The following NR6A1 variants were observed in gnomAD, a reference collection of about 807,000 sequenced individuals.
NR6A1 encodes nuclear receptor subfamily 6 group A member 1.
In NR6A1, 7 loss-of-function variants were observed where a neutral mutation model predicts 59.1. That is an observed-to-expected ratio of 0.12 (90% CI 0.07 to 0.22). The LOEUF is 0.22. Among genes scored for constraint, NR6A1 ranks in the 10% least tolerant of loss-of-function variants. The pLI is 1.00. For synonymous variants in NR6A1, 243 were observed against 236.1 expected (o/e 1.03, Z -0.27); for missense variants, 468 against 611.6 (o/e 0.77, Z 2.48).
chr9:124,731,090 G>A (rs1839871251), intron 2 of NR6A1, among the ~76,000 whole-genome samples: 1 of 152,110 alleles, frequency 6.6e-6, no homozygotes, highest in Admixed American at 6.6e-5. Flanking sequence ...AAAGGACCAT[G>A]GCCAGGTGCA....
chr9:124,730,911 C>T (rs946140248), intron 2 of NR6A1, among the ~76,000 whole-genome samples: 1 of 152,124 alleles, frequency 6.6e-6, no homozygotes, highest in African/African-American at 2.4e-5. Context: ...AAGAGCTATA[C>T]TTATTTATCT....
chr9:124,678,283 G>C (rs1383824755), intron 2 of NR6A1, among the ~76,000 whole-genome samples: 1 of 152,166 alleles, frequency 6.6e-6, no homozygotes, highest in Non-Finnish European at 1.5e-5. Flanking sequence ...CAAATTAAAA[G>C]AGAACCCTAA....
intron 2 of NR6A1, among the ~76,000 whole-genome samples, chr9:124,722,566 A>C (rs1193875654): frequency 3.3e-5 from 5 of 152,186 alleles, no homozygotes; most frequent in African/African-American, 1.2e-4. Flanking sequence ...TGACAGTTGA[A>C]TGCAAAGCCA....
Position 124,674,856 on chromosome 9 carries a change from C to G in NR6A1, c.142+58452G>C, listed in dbSNP as rs112438697. The stretch of plus-strand genomic sequence containing the variant: ...TATGAAGGAAATGTATTTTCTAGCT[C>G]CGCCTTAACCATGTAATCACTCAGA... On this transcript the variant is annotated intron_variant, in intron 2 of 9. Transcript: ENST00000487099. 4.6e-3 allele frequency among the ~76,000 whole-genome samples: 703 copies of G among 152,312 alleles called. 6 individuals carry two copies. Among genetic ancestry groups the G allele is most frequent in the African/African-American group, 0.016 (657 of 41,556 alleles).
intron 8 of NR6A1, among the ~76,000 whole-genome samples, chr9:124,525,284 AACAC>A (rs71492413): frequency 6.0e-4 from 83 of 137,386 alleles, no homozygotes; most frequent in East Asian, 1.8e-3. Flanking sequence ...ATGCTTGTAA[AACAC>A]ACACACACAC....
At chr9:124,624,679 A>G (rs1248824158) in intron 2 of NR6A1, among the ~76,000 whole-genome samples, 1 of 152,226 alleles carries the variant, frequency 6.6e-6, no homozygotes, top group East Asian at 1.9e-4. Flanking sequence ...AAAAAACATG[A>G]AACAGCTCTT....
chr9:124,733,278 A>G, intron 2 of NR6A1, 30 bp downstream of exon 2: 1 of 1,558,414 alleles, frequency 6.4e-7, no homozygotes, highest in East Asian at 2.2e-5. Context: ...TTTTCTTACC[A>G]AAGAATATTG....
At chr9:124,631,069 T>C (rs1436867549) in intron 2 of NR6A1, among the ~76,000 whole-genome samples, 1 of 152,116 alleles carries the variant, frequency 6.6e-6, no homozygotes, top group African/African-American at 2.4e-5. Context: ...TGAATGAATA[T>C]TTCAGGCAAG....
chr9:124,566,381 T>A (rs1261946309), intron 2 of NR6A1, among the ~76,000 whole-genome samples: 1 of 152,178 alleles, frequency 6.6e-6, no homozygotes, highest in South Asian at 2.1e-4. Flanking sequence ...TATCTTTAAG[T>A]ATTAATATTT....
chr9:124,722,725 C>T (rs941130747), intron 2 of NR6A1, among the ~76,000 whole-genome samples: 4 of 152,060 alleles, frequency 2.6e-5, no homozygotes, highest in East Asian at 3.8e-4. Flanking sequence ...ATTTAATTTA[C>T]GTTTTTTCTG....
chr9:124,535,175 C>A lies in NR6A1; in HGVS notation c.1079+703G>T, dbSNP rs192939123. On this transcript the variant is annotated intron_variant, in intron 7 of 9. Coordinates refer to ENST00000487099, the MANE Select transcript of NR6A1 (RefSeq NM_033334.4). ...GGCACACTATAGGCACCAAAATGAC[C>A]CCTAGGTCTCTTTCTTGGATTGTAA... 8.5e-5 allele frequency among the ~76,000 whole-genome samples: 13 copies of A among 152,188 alleles called. No homozygotes were observed. The East Asian group carries it at 2.5e-3, about 29-fold the overall frequency.
chr9:124,676,147 T>C (rs977171006), intron 2 of NR6A1, among the ~76,000 whole-genome samples: 2 of 152,164 alleles, frequency 1.3e-5, no homozygotes, highest in Non-Finnish European at 2.9e-5. Context: ...CTCAGAAGCA[T>C]GTGACAGGCA....
chr9:124,638,499 GACAGGA>G (rs1836682400), intron 2 of NR6A1, among the ~76,000 whole-genome samples: 1 of 152,122 alleles, frequency 6.6e-6, no homozygotes, highest in South Asian at 2.1e-4. Context: ...CCAAAGCAAA[GACAGGA>G]ACAGAACAAG....
At chr9:124,668,103 A>G (rs1215554142) in intron 2 of NR6A1, among the ~76,000 whole-genome samples, 1 of 152,204 alleles carries the variant, frequency 6.6e-6, no homozygotes, top group Non-Finnish European at 1.5e-5. Flanking sequence ...AGCCTTACTG[A>G]TAAGTTGGTT....
chr9:124,748,726 G>A (rs1376108442), intron 1 of NR6A1, among the ~76,000 whole-genome samples: 12 of 151,976 alleles, frequency 7.9e-5, no homozygotes, highest in African/African-American at 1.7e-4. Flanking sequence ...TTAGCCAGGC[G>A]CGGTGGCAGG....
intron 1 of NR6A1, among the ~76,000 whole-genome samples, chr9:124,745,133 GA>G (rs1840287262): frequency 6.6e-6 from 1 of 151,892 alleles, no homozygotes; most frequent in African/African-American, 2.4e-5. Flanking sequence ...TTATTCAATG[GA>G]ATATTTTGCG....
At chr9:124,664,662 G>A (rs1258032218) in intron 2 of NR6A1, among the ~76,000 whole-genome samples, 1 of 152,182 alleles carries the variant, frequency 6.6e-6, no homozygotes, top group Admixed American at 6.5e-5. Flanking sequence ...GCTCTCCAGA[G>A]GAAAGGTTCC....
chr9:124,714,744 A>C lies in NR6A1; in HGVS notation c.142+18564T>G, dbSNP rs565448675. 7.2e-5 allele frequency among the ~76,000 whole-genome samples: 11 copies of C among 152,344 alleles called. 1 individual carries two copies. In the East Asian group the frequency reaches 2.1e-3, roughly 29 times the overall value. ...TTTATATATACTAGCAACAATTGGA[A>C]AATAAAATTTAAAAATAATATCATT... On this transcript the variant is annotated intron_variant, in intron 2 of 9. Transcript: ENST00000487099.
intron 2 of NR6A1, among the ~76,000 whole-genome samples, chr9:124,674,833 T>C (rs1055956372): frequency 5.9e-5 from 9 of 152,148 alleles, no homozygotes; most frequent in African/African-American, 1.9e-4. Context: ...GAAACAGGTA[T>C]GAAGGAAATG....
Sources: allele counts gnomAD v4.1 joint callset (sites outside exome capture counted in the v4.1 genomes callset), GRCh38; gene constraint gnomAD v4.1.1; transcripts MANE v1.5; gene names NCBI Gene and HGNC (gene_info 2026-07-23, HGNC 2026-07-21).